Variants in VWC2L observed in about 807,000 individuals in gnomAD.
VWC2L encodes the protein von Willebrand factor C domain-containing protein 2-like.
Under a neutral mutation model 21.6 loss-of-function variants are expected in VWC2L, and 10 were observed. That is an observed-to-expected ratio of 0.46 (90% CI 0.29 to 0.78). The LOEUF (loss-of-function observed/expected upper bound fraction) is 0.78, where lower values mean the gene tolerates loss of function less well. Ranked by LOEUF, VWC2L falls within the 30% of genes least tolerant of loss-of-function variation. VWC2L has a pLI of 0.10. For synonymous variants in VWC2L, 96 were observed against 94.3 expected, an observed-to-expected ratio of 1.02 and a Z score of -0.10; for missense variants, 209 against 277.1, an observed-to-expected ratio of 0.75 and a Z score of 1.74.
intron 3 of VWC2L, among the ~76,000 whole-genome samples, chr2:214,543,220 T>C (rs1190841917): frequency 6.6e-6 from 1 of 152,230 alleles, no homozygotes; most frequent in Non-Finnish European, 1.5e-5. Context: ...AGAAATGGTT[T>C]CATTAACACA....
Position 214,430,673 on chromosome 2 carries a change from G to A in VWC2L, c.391-5956G>A, listed in dbSNP as rs1702587614. ...CTTATGTTTTCAACAAAAATGAAAT[G>A]TTTTTTGATAGACATGCTGAAAAAA... is the stretch of plus-strand genomic sequence containing the variant. On this transcript the variant is annotated intron_variant, in intron 2 of 3. Coordinates refer to ENST00000312504, the MANE Select transcript of VWC2L (RefSeq NM_001080500.4). Among the ~76,000 whole-genome samples, 3 of 151,976 alleles carry A rather than the reference G, an allele frequency of 2.0e-5. No homozygotes were observed. The South Asian group carries it at 6.2e-4, about 31-fold the overall frequency.
intron 3 of VWC2L, among the ~76,000 whole-genome samples, chr2:214,452,926 T>C (rs1702998238): frequency 6.6e-6 from 1 of 152,238 alleles, no homozygotes. Flanking sequence ...CATTTTTTTA[T>C]TAGCTTGTTC....
intron 3 of VWC2L, among the ~76,000 whole-genome samples, chr2:214,518,748 G>A (rs1689185313): frequency 6.6e-6 from 1 of 151,968 alleles, no homozygotes; most frequent in African/African-American, 2.4e-5. Flanking sequence ...CTGAAACTGT[G>A]GAATGAAAGA....
At position 214,465,023 on chromosome 2, in the gene VWC2L, CT is replaced by C. The variant is rs1703195403; in HGVS notation, c.520+28268del. Among the ~76,000 whole-genome samples, 4 of 152,226 alleles carry C rather than the reference CT, an allele frequency of 2.6e-5. No homozygotes were observed. The South Asian group carries it at 8.3e-4, about 32-fold the overall frequency. On this transcript the variant is annotated intron_variant, in intron 3 of 3. Transcript: ENST00000312504. The stretch of plus-strand genomic sequence containing the variant: ...GGATCCTTCCAGGCCTAGGTCTCTC[CT>C]TTCAAGGCAATGGGCTCCCCGCTGT...
chr2:214,480,653 T>C (rs760240322), intron 3 of VWC2L, among the ~76,000 whole-genome samples: 8 of 152,064 alleles, frequency 5.3e-5, no homozygotes, highest in Non-Finnish European at 1.2e-4. Context: ...ATTCTGGGGA[T>C]AACTTCATGA....
chr2:214,494,576 G>A (rs1688786601), intron 3 of VWC2L, among the ~76,000 whole-genome samples: 1 of 152,050 alleles, frequency 6.6e-6, no homozygotes, highest in Non-Finnish European at 1.5e-5. Context: ...CATTTTGAAG[G>A]AAAATCTCTC....
intron 3 of VWC2L, among the ~76,000 whole-genome samples, chr2:214,449,536 A>G (rs1292287320): frequency 6.6e-6 from 1 of 152,146 alleles, no homozygotes; most frequent in Non-Finnish European, 1.5e-5. Context: ...TAAAACGCAA[A>G]CAAAGGAAAC....
chr2:214,559,383 C>G (rs1201308333), intron 3 of VWC2L, among the ~76,000 whole-genome samples: 2 of 151,846 alleles, frequency 1.3e-5, no homozygotes, highest in Non-Finnish European at 2.9e-5. Context: ...TCTTTTGGCC[C>G]CCTCCCACTG....
intron 2 of VWC2L, among the ~76,000 whole-genome samples, chr2:214,429,349 A>C (rs1702568464): frequency 6.6e-6 from 1 of 152,196 alleles, no homozygotes; most frequent in Non-Finnish European, 1.5e-5. Context: ...TCAGTGAAGG[A>C]CTAAGGACGG....
chr2:214,554,875 C>T (rs1029177618), intron 3 of VWC2L, among the ~76,000 whole-genome samples: 40 of 152,268 alleles, frequency 2.6e-4, no homozygotes, highest in African/African-American at 9.4e-4. Context: ...CTTTGACATA[C>T]TTCGAAATGG....
chr2:214,497,073 C>T (rs1688823127), intron 3 of VWC2L, among the ~76,000 whole-genome samples: 1 of 152,188 alleles, frequency 6.6e-6, no homozygotes, highest in South Asian at 2.1e-4. Flanking sequence ...AAAAGCAAAT[C>T]CTATATTTCA....
At chr2:214,570,689 A>T (rs1347388159) in intron 3 of VWC2L, among the ~76,000 whole-genome samples, 3 of 72,482 alleles carry the variant, frequency 4.1e-5, no homozygotes, top group Non-Finnish European at 7.6e-5. Context: ...TGTTTCATTT[A>T]AAAAAAAAAA....
chr2:214,440,512 A>T (rs1337841147), intron 3 of VWC2L, among the ~76,000 whole-genome samples: 2 of 152,100 alleles, frequency 1.3e-5, no homozygotes, highest in African/African-American at 2.4e-5. Flanking sequence ...GTATGAAAAA[A>T]ATAATTTAGC....
intron 3 of VWC2L, among the ~76,000 whole-genome samples, chr2:214,496,575 G>C (rs1688816619): frequency 1.3e-5 from 2 of 152,058 alleles, no homozygotes; most frequent in African/African-American, 4.8e-5. Flanking sequence ...ATCCACATTG[G>C]GGTTTTATTT....
At chr2:214,532,437 A>T (rs925072536) in intron 3 of VWC2L, among the ~76,000 whole-genome samples, 1 of 152,168 alleles carries the variant, frequency 6.6e-6, no homozygotes, top group African/African-American at 2.4e-5. Flanking sequence ...CACCCCAAGC[A>T]TTACATGAGT....
rs909540399 is a variant in VWC2L, at chr2:214,441,998, G to A, written c.520+5240G>A. Among the ~76,000 whole-genome samples the A allele has an allele frequency of 4.0e-5, 6 of 150,702 alleles. No individual in the cohort carries two copies. The South Asian group carries it at 1.0e-3, about 26-fold the overall frequency. On this transcript the variant is annotated intron_variant, in intron 3 of 3. Coordinates refer to ENST00000312504, the MANE Select transcript of VWC2L (RefSeq NM_001080500.4). ...ACAATCTCAGCTCACTGCAACCTCCGCATCCTGGGTTCAAGTGATTGTCCT... is the reference window on the plus strand; with the variant it reads ...ACAATCTCAGCTCACTGCAACCTCCACATCCTGGGTTCAAGTGATTGTCCT...
intron 3 of VWC2L, among the ~76,000 whole-genome samples, chr2:214,479,735 G>A (rs992377842): frequency 2.0e-5 from 3 of 152,192 alleles, no homozygotes; most frequent in African/African-American, 7.2e-5. Context: ...AATCCGCAGT[G>A]AGCTGAGATC....
At chr2:214,539,442 G>A (rs1349468981) in intron 3 of VWC2L, among the ~76,000 whole-genome samples, 1 of 152,110 alleles carries the variant, frequency 6.6e-6, no homozygotes, top group African/African-American at 2.4e-5. Flanking sequence ...CTAAAATCCT[G>A]TGTGTAGCTT....
At chr2:214,478,622 C>A (rs558195557) in intron 3 of VWC2L, among the ~76,000 whole-genome samples, 1 of 152,212 alleles carries the variant, frequency 6.6e-6, no homozygotes, top group Non-Finnish European at 1.5e-5. Flanking sequence ...CCCACTACCA[C>A]ACTGCAGCTT....
Sources: gnomAD v4.1 joint callset for allele counts (sites outside exome capture counted in the v4.1 genomes callset) on GRCh38, gnomAD v4.1.1 for gene constraint, MANE v1.5 for transcripts, NCBI Gene and HGNC (gene_info 2026-07-23, HGNC 2026-07-21) for gene names.